The following DEPDC1 variants were observed in gnomAD, a reference collection of about 807,000 sequenced individuals.
The protein encoded by DEPDC1 is DEP domain-containing protein 1A.
Under a neutral mutation model 86.8 loss-of-function variants are expected in DEPDC1, and 66 were observed. The ratio of observed to expected loss-of-function variants is 0.76; its 90% CI spans 0.62 to 0.93. The LOEUF (loss-of-function observed/expected upper bound fraction) is 0.93. Ranked by LOEUF, DEPDC1 falls within the 40% of genes least tolerant of loss-of-function variation. The probability of loss-of-function intolerance (pLI) is 0.00; values close to 1 mark genes in which losing one functional copy is unlikely to be tolerated. For synonymous variants in DEPDC1, 255 were observed against 314.9 expected, an observed-to-expected ratio of 0.81 and a Z score of 2.02; for missense variants, 792 against 935.7, an observed-to-expected ratio of 0.85 and a Z score of 2.00.
chr1:68,487,969 G>A (rs1646203836), intron 5 of DEPDC1, among the ~76,000 whole-genome samples: 1 of 151,736 alleles, frequency 6.6e-6, no homozygotes, highest in Admixed American at 6.6e-5. Flanking sequence ...TTTGACTCCT[G>A]TTAATTTGTA....
Position 68,496,863 on chromosome 1 carries a change from GT to G in DEPDC1, c.48+88del. The G allele has an allele frequency of 7.3e-7, 1 of 1,377,324 alleles. No homozygotes were observed. The highest frequency in any genetic ancestry group is 1.2e-5 in the South Asian group (1 of 81,928). 85.3% of individuals were successfully genotyped at this position (1,377,324 alleles called of 1,614,324 possible). On this transcript the variant is annotated intron_variant, in intron 1 of 11. Coordinates refer to ENST00000456315, the MANE Select transcript of DEPDC1 (RefSeq NM_001114120.3). This position sits in a 1 kb window ranked among gnomAD's most constrained non-coding sequence, Gnocchi z 4.0. ...CCTGGGACTCATCCCTCCGACCGAG[GT>G]AAAACTGCGAACGGTCGAGGTAAAA...
Position 68,474,997 on chromosome 1 carries a change from TTA to T in DEPDC1, c.*1933_*1934del, listed in dbSNP as rs1490591682. The T allele has an allele frequency of 6.6e-6, 1 of 152,088 alleles. No individual in the cohort carries two copies. The highest frequency in any genetic ancestry group is 1.5e-5 in the Non-Finnish European group (1 of 67,948). 9.4% of individuals were successfully genotyped at this position (152,088 alleles called of 1,614,324 possible). A position where few individuals can be genotyped will look rare whatever the true frequency, so the allele number is the denominator to read the frequency against. On this transcript the variant is annotated 3_prime_UTR_variant, in exon 12 of 12. Transcript: ENST00000456315. ...ATCCTAGGTGATTCTAGTAAAATAT[TTA>T]TAGAGTGCTTATTCTATGTGAGACA...
Position 68,477,042 on chromosome 1 carries a change from G to T in DEPDC1, c.2326C>A (p.Gln776Lys). 1.2e-6 allele frequency: 2 copies of T among 1,607,414 alleles called. No homozygotes were observed. Among genetic ancestry groups the T allele is most frequent in the Non-Finnish European group, 1.7e-6 (2 of 1,176,518 alleles). ...CTCTCCGTGGTTGGAAATCTTTTCT[G>T]ATATATCAAAGGATATTCCTTCTGA... ...QFQKEYPLIYQKRFPTTESEA... is the reference protein window; with the variant it reads ...QFQKEYPLIYKKRFPTTESEA... Residue 776 changes from glutamine (Q) to lysine (K), a missense_variant, in exon 12 of 12, where the codon CAG becomes AAG. Coordinates refer to ENST00000456315, the MANE Select transcript of DEPDC1 (RefSeq NM_001114120.3).
At chr1:68,489,638 A>G (rs769123454) in intron 2 of DEPDC1, 30 bp from the exon 3 acceptor site, 2 of 1,497,172 alleles carry the variant, frequency 1.3e-6, no homozygotes, top group Non-Finnish European at 1.8e-6. Context: ...CAATTAAATA[A>G]TGTGAGATTA....
chr1:68,483,948 A>T lies in DEPDC1; in HGVS notation c.910+2T>A. On this transcript the variant is annotated splice_donor_variant, in intron 7 of 11. Coordinates refer to ENST00000456315, the MANE Select transcript of DEPDC1 (RefSeq NM_001114120.3). LOFTEE classifies it high-confidence loss of function. The stretch of plus-strand genomic sequence containing the variant: ...ACTAAAATCAGTAAAATCTATACAT[A>T]CCCAAAATGTTTACAAATAATTCGT... 6.7e-7 allele frequency: 1 copy of T among 1,489,702 alleles called. No individual in the cohort carries two copies. Among genetic ancestry groups the T allele is most frequent in the East Asian group, 2.4e-5 (1 of 42,162 alleles). The allele number at this position is 1,489,702 out of a possible 1,614,324, so 92.3% of individuals were successfully genotyped here.
intron 5 of DEPDC1, among the ~76,000 whole-genome samples, chr1:68,487,724 CAG>C (rs999611421): frequency 6.6e-6 from 1 of 151,906 alleles, no homozygotes; most frequent in Non-Finnish European, 1.5e-5. Flanking sequence ...ATTCCACAGA[CAG>C]AAACTTATCA....
intron 10 of DEPDC1, 95 bp from the exon 11 acceptor site, chr1:68,478,067 C>A: frequency 1.2e-6 from 1 of 867,910 alleles, no homozygotes; most frequent in East Asian, 2.9e-5. Flanking sequence ...TATTAATTTA[C>A]CACCAATCAA....
At chr1:68,479,762 CA>C (rs1646141453) in intron 9 of DEPDC1, among the ~76,000 whole-genome samples, 1 of 150,448 alleles carries the variant, frequency 6.6e-6, no homozygotes, top group South Asian at 2.1e-4. Flanking sequence ...ATGATCACAC[CA>C]CTGTACTCTA....
In DEPDC1 at chr1:68,482,910, GA is replaced by G; in HGVS notation, c.911-14del. 1 of 1,539,734 alleles carries G rather than the reference GA, an allele frequency of 6.5e-7. No individual in the cohort carries two copies. The highest frequency in any genetic ancestry group is 1.3e-5 in the South Asian group (1 of 77,700). Reference sequence around the variant, plus strand: ...TAGCCACAAACAACTACCAGGAAATGAAACAAAAATTAAGATGCAACTGTAT... The same window carrying G: ...TAGCCACAAACAACTACCAGGAAATGAACAAAAATTAAGATGCAACTGTAT... On this transcript the variant is annotated splice_polypyrimidine_tract_variant and intron_variant, in intron 7 of 11. Coordinates refer to ENST00000456315, the MANE Select transcript of DEPDC1 (RefSeq NM_001114120.3).
At chr1:68,490,734 T>G (rs957037188) in intron 2 of DEPDC1, among the ~76,000 whole-genome samples, 4 of 152,066 alleles carry the variant, frequency 2.6e-5, no homozygotes, top group Non-Finnish European at 5.9e-5. Context: ...AAGGCTATCC[T>G]AAGAAAAAAG....
chr1:68,495,701 G>A (rs1005072961), intron 1 of DEPDC1, among the ~76,000 whole-genome samples: 4 of 152,110 alleles, frequency 2.6e-5, no homozygotes, highest in African/African-American at 9.7e-5. Context: ...AGACTAGTAG[G>A]GCTGGTTTCC....
chr1:68,488,024 TCTTA>T (rs1646204139), intron 5 of DEPDC1, among the ~76,000 whole-genome samples: 1 of 151,864 alleles, frequency 6.6e-6, no homozygotes, highest in African/African-American at 2.4e-5. Context: ...ACCATTTCTA[TCTTA>T]CTTATCATTA....
rs1012856055 is a variant in DEPDC1, at chr1:68,492,421, G to A, written c.314+2009C>T. Among the ~76,000 whole-genome samples, 6 of 152,088 alleles carry A rather than the reference G, an allele frequency of 3.9e-5. No homozygotes were observed. In the East Asian group the frequency reaches 7.7e-4, roughly 20 times the overall value. On this transcript the variant is annotated intron_variant, in intron 2 of 11. Coordinates refer to ENST00000456315, the MANE Select transcript of DEPDC1 (RefSeq NM_001114120.3). ...TTTTGTTACGATCGTAAAAGACTAG[G>A]AGAGGCCGGGCGTGGTGGCTCATGC...
Position 68,477,087 on chromosome 1 carries a change from A to G in DEPDC1, c.2299-18T>C. Reference sequence around the variant, plus strand: ...TTCTGAAACTTAAAAATGAGGTGAGAAATTAGAAGGTATTTAACATTATTT... The same window carrying G: ...TTCTGAAACTTAAAAATGAGGTGAGGAATTAGAAGGTATTTAACATTATTT... On this transcript the variant is annotated intron_variant, in intron 11 of 11. Transcript: ENST00000456315. 6.3e-7 allele frequency: 1 copy of G among 1,576,590 alleles called. No homozygotes were observed. Among genetic ancestry groups the G allele is most frequent in the Non-Finnish European group, 8.6e-7 (1 of 1,158,076 alleles).
At chr1:68,493,634 CAT>C (rs1405655493) in intron 2 of DEPDC1, among the ~76,000 whole-genome samples, 1 of 152,158 alleles carries the variant, frequency 6.6e-6, no homozygotes, top group Non-Finnish European at 1.5e-5. Flanking sequence ...AGTAAGAACA[CAT>C]ATGTAAATCA....
chr1:68,489,856 G>T (rs2100266896), intron 2 of DEPDC1, among the ~76,000 whole-genome samples: 2 of 152,042 alleles, frequency 1.3e-5, no homozygotes, highest in East Asian at 3.9e-4. Flanking sequence ...AATTCTGGTA[G>T]AGGGGTATTG....
intron 9 of DEPDC1, among the ~76,000 whole-genome samples, chr1:68,481,079 AG>A (rs763562902): frequency 5.9e-5 from 9 of 151,936 alleles, no homozygotes; most frequent in Admixed American, 1.3e-4. Flanking sequence ...CTGCGTCCAC[AG>A]TTATAGTCTC....
rs563628089 is a variant in DEPDC1 at position 68,496,155 on chromosome 1, C to G, written c.48+797G>C. ...TAAAGTAGGGCTAATAATACATGCTCGTCTGAAGGGCATTCCTAAGAGGAA... is the reference window on the plus strand; with the variant it reads ...TAAAGTAGGGCTAATAATACATGCTGGTCTGAAGGGCATTCCTAAGAGGAA... On this transcript the variant is annotated intron_variant, in intron 1 of 11. Transcript: ENST00000456315. This position sits in a 1 kb window ranked among gnomAD's most constrained non-coding sequence, Gnocchi z 4.0. Among the ~76,000 whole-genome samples, 1 of 152,096 alleles carries G rather than the reference C, an allele frequency of 6.6e-6. No homozygotes were observed. The highest frequency in any genetic ancestry group is 2.4e-5 in the African/African-American group (1 of 41,428).
At chr1:68,489,974 T>C (rs1646218587) in intron 2 of DEPDC1, among the ~76,000 whole-genome samples, 1 of 152,084 alleles carries the variant, frequency 6.6e-6, no homozygotes. Flanking sequence ...TTTCTGGAAC[T>C]TAGTTTCTAT....
Sources: allele counts gnomAD v4.1 joint callset (sites outside exome capture counted in the v4.1 genomes callset), GRCh38; gene constraint gnomAD v4.1.1; non-coding constraint Gnocchi (gnomAD v3.1); transcripts MANE v1.5; gene names NCBI Gene and HGNC (gene_info 2026-07-23, HGNC 2026-07-21).